PCF11: variants seen among roughly 807,000 people sequenced by gnomAD.
PCF11 encodes pre-mRNA cleavage complex 2 protein Pcf11.
A neutral mutation model predicts 166.1 loss-of-function variants in PCF11; 19 were observed. The observed-to-expected ratio is 0.11, with a 90% confidence interval of 0.08 to 0.17. PCF11 has a LOEUF of 0.17. Among genes scored for constraint, PCF11 ranks in the 10% least tolerant of loss-of-function variants. The pLI, the probability that PCF11 is intolerant of heterozygous loss-of-function variation, is 1.00. For synonymous variants in PCF11, 663 were observed against 644.1 expected (o/e 1.03, Z -0.44); for missense variants, 1,565 against 1,855.5 (o/e 0.84, Z 2.88).
chr11:83,158,448 C>G (rs1860089537), intron 1 of PCF11: 1 of 152,214 alleles, frequency 6.6e-6, no homozygotes, highest in Non-Finnish European at 1.5e-5. Context: ...TTCCTTTTCT[C>G]TTTTTCTCCC....
At chr11:83,178,774 C>T (rs867464420) in intron 11 of PCF11, among the ~76,000 whole-genome samples, 16 of 151,024 alleles carry the variant, frequency 1.1e-4, no homozygotes, top group African/African-American at 3.9e-4. Flanking sequence ...GATAACGCCA[C>T]TGCACTCCAG....
exon 16 of PCF11, chr11:83,184,850 C>A: frequency 6.3e-7 from 1 of 1,575,958 alleles, no homozygotes; most frequent in East Asian, 2.3e-5. Flanking sequence ...CATAGCAACA[C>A]CCTCTGAAAT....
intron 2 of PCF11, among the ~76,000 whole-genome samples, chr11:83,162,338 C>T (rs1347247329): frequency 6.6e-6 from 1 of 152,132 alleles, no homozygotes; most frequent in Non-Finnish European, 1.5e-5. Context: ...AAGAACTATT[C>T]AGTATTAGAT....
chr11:83,167,762 A>C lies in PCF11; in HGVS notation c.2092+257A>C. On this transcript the variant is annotated intron_variant, in intron 7 of 15. Coordinates refer to ENST00000298281, the Ensembl canonical transcript of PCF11. This position sits in a 1 kb window ranked among gnomAD's most constrained non-coding sequence, Gnocchi z 4.2. ...GTAAACATGCAAGTAGGAATAGTGG[A>C]GCACAGTTTGACAGAAAAGAACAAT... 1 of 1,435,084 alleles carries C rather than the reference A, an allele frequency of 7.0e-7. No homozygotes were observed. The highest frequency in any genetic ancestry group is 9.2e-7 in the Non-Finnish European group (1 of 1,083,820). The allele number at this position is 1,435,084 out of a possible 1,614,324, so 88.9% of individuals were successfully genotyped here. A position where few individuals can be genotyped will look rare whatever the true frequency, so the allele number is the denominator to read the frequency against.
intron 8 of PCF11, among the ~76,000 whole-genome samples, chr11:83,170,223 A>G (rs549267293): frequency 5.9e-5 from 9 of 152,282 alleles, no homozygotes; most frequent in Admixed American, 2.0e-4. Flanking sequence ...AAATATCTCA[A>G]TCAAACCCCC....
intron 1 of PCF11, 131 bp downstream of exon 1, chr11:83,157,762 A>C: frequency 1.5e-5 from 12 of 791,942 alleles, no homozygotes; most frequent in Non-Finnish European, 2.3e-5. Flanking sequence ...CCCCCCTCCA[A>C]CTCAGGCTCG....
At position 83,183,031 on chromosome 11, in the gene PCF11, G is replaced by A. The variant is rs1358858145; in HGVS notation, c.4417-7G>A. The A allele has an allele frequency of 3.5e-6, 5 of 1,412,690 alleles. No individual in the cohort carries two copies. The highest frequency in any genetic ancestry group is 4.9e-6 in the Non-Finnish European group (5 of 1,018,428). 87.5% of individuals were successfully genotyped at this position (1,412,690 alleles called of 1,614,324 possible). On this transcript the variant is annotated splice_region_variant and splice_polypyrimidine_tract_variant and intron_variant, in intron 14 of 15. Transcript: ENST00000298281. ...GCACATATTTACTTTTTTTCTTTTTGCTTCAGATTTATCATCCATCATGTT... is the reference window on the plus strand; with the variant it reads ...GCACATATTTACTTTTTTTCTTTTTACTTCAGATTTATCATCCATCATGTT...
chr11:83,167,354 TA>T lies in PCF11; in HGVS notation c.2001+47del. On this transcript the variant is annotated intron_variant, in intron 6 of 15. Transcript: ENST00000298281. This position sits in a 1 kb window ranked among gnomAD's most constrained non-coding sequence, Gnocchi z 4.2. ...CATGTAGTCATCATTATCTATCGTC[TA>T]TTTTTTTGGTATTTTTTTATATTTA... The T allele has an allele frequency of 6.5e-7, 1 of 1,539,694 alleles. No homozygotes were observed.
At chr11:83,179,700 T>C (rs937783574) in intron 11 of PCF11, among the ~76,000 whole-genome samples, 2 of 151,992 alleles carry the variant, frequency 1.3e-5, no homozygotes, top group Admixed American at 1.3e-4. Context: ...GGTCAGGAGT[T>C]CAAGACCAGC....
At position 83,165,810 on chromosome 11, in the gene PCF11, C is replaced by T. The variant is rs749158135; in HGVS notation, c.913C>T (p.His305Tyr). 3 of 1,610,680 alleles carry T rather than the reference C, an allele frequency of 1.9e-6. No individual in the cohort carries two copies. In the South Asian group the frequency reaches 3.3e-5, roughly 18 times the overall value. The change falls in exon 5 of 16, where the codon CAT (histidine) becomes TAT (tyrosine). Residue 305 changes from histidine to tyrosine, a missense_variant. By Grantham distance (83) the His-to-Tyr change is moderately conservative (BLOSUM62 2). Transcript: ENST00000298281. Reference sequence around the variant, plus strand: ...TCCTCGTCTGAACAGGATAAGCCAACATTCTCATGGAAAAGATCAGAGTCA... The same window carrying T: ...TCCTCGTCTGAACAGGATAAGCCAATATTCTCATGGAAAAGATCAGAGTCA...
intron 9 of PCF11, among the ~76,000 whole-genome samples, chr11:83,173,406 G>C (rs61900265): frequency 6.6e-6 from 1 of 151,654 alleles, no homozygotes; most frequent in Non-Finnish European, 1.5e-5. Context: ...AGTGAGCCAA[G>C]ATCAGGCCAC....
chr11:83,174,208 T>C (rs1190481248), intron 9 of PCF11, among the ~76,000 whole-genome samples: 1 of 152,170 alleles, frequency 6.6e-6, no homozygotes, highest in Non-Finnish European at 1.5e-5. Context: ...GTGTGCTATA[T>C]TTAGCTTCTC....
At chr11:83,177,269 A>C (rs1026699930) in intron 10 of PCF11, 65 bp downstream of exon 10, 2 of 1,195,644 alleles carry the variant, frequency 1.7e-6, no homozygotes, top group African/African-American at 1.6e-5. Context: ...GTATGATGTA[A>C]TATAATGATA....
exon 5 of PCF11, chr11:83,165,963 G>A: frequency 6.2e-7 from 1 of 1,602,284 alleles, no homozygotes; most frequent in South Asian, 1.1e-5. Flanking sequence ...AACCAAGAAA[G>A]AACTTGACCA....
intron 2 of PCF11, among the ~76,000 whole-genome samples, chr11:83,162,778 CT>C (rs369097626): frequency 6.6e-6 from 1 of 151,984 alleles, no homozygotes. Context: ...CTTTCTTTTT[CT>C]TTTTTTTGTT....
Position 83,181,210 on chromosome 11 carries a change from T to TAAAAGATA in PCF11, c.4167+19_4167+20insAAAAGATA. The TAAAAGATA allele has an allele frequency of 7.1e-7, 1 of 1,399,988 alleles. No individual in the cohort carries two copies. Among genetic ancestry groups the TAAAAGATA allele is most frequent in the African/African-American group, 1.4e-5 (1 of 71,370 alleles). 86.7% of individuals were successfully genotyped at this position (1,399,988 alleles called of 1,614,324 possible). A position where few individuals can be genotyped will look rare whatever the true frequency, so the allele number is the denominator to read the frequency against. ...TTTAACAGTAAGTAACCCATGTGCCTCCATAGTATCTTTTAGGCTTAAATT... is the reference window on the plus strand; with the variant it reads ...TTTAACAGTAAGTAACCCATGTGCCTAAAAGATACCATAGTATCTTTTAGGCTTAAATT... On this transcript the variant is annotated intron_variant, in intron 12 of 15. Coordinates refer to ENST00000298281, the Ensembl canonical transcript of PCF11.
chr11:83,161,436 T>C, exon 2 of PCF11: 1 of 1,588,964 alleles, frequency 6.3e-7, no homozygotes, highest in Non-Finnish European at 8.5e-7. Flanking sequence ...GCAACATTTA[T>C]TTGTGTGTTT....
intron 12 of PCF11, among the ~76,000 whole-genome samples, chr11:83,181,591 G>T (rs1861089778): frequency 1.4e-5 from 2 of 146,352 alleles, no homozygotes; most frequent in Non-Finnish European, 1.5e-5. Flanking sequence ...CAGGCTCTAG[G>T]ACTGTTTTTT....
exon 5 of PCF11, chr11:83,166,320 A>G (rs1359054929): frequency 6.2e-7 from 1 of 1,613,692 alleles, no homozygotes; most frequent in African/African-American, 1.3e-5. Context: ...AGGGAGATCG[A>G]GTACTAGAAA....
Sources: allele counts gnomAD v4.1 joint callset (sites outside exome capture counted in the v4.1 genomes callset), GRCh38; gene constraint gnomAD v4.1.1; non-coding constraint Gnocchi (gnomAD v3.1); transcripts MANE v1.5; gene names NCBI Gene and HGNC (gene_info 2026-07-23, HGNC 2026-07-21).